UFC1: variants seen among roughly 807,000 people sequenced by gnomAD.
The protein encoded by UFC1 is ubiquitin-fold modifier conjugating enzyme 1, also known as ubiquitin-fold modifier-conjugating enzyme 1.
A neutral mutation model predicts 28.0 loss-of-function variants in UFC1; 22 were observed. The ratio of observed to expected loss-of-function variants is 0.78; its 90% CI spans 0.56 to 1.12. The LOEUF (loss-of-function observed/expected upper bound fraction) is 1.12. UFC1 is among the 50% of genes most tolerant of loss of function. The pLI, the probability that UFC1 is intolerant of heterozygous loss-of-function variation, is 0.00. For missense variants in UFC1, 189 were observed against 207.8 expected, an observed-to-expected ratio of 0.91 and a Z score of 0.56; for synonymous variants, 61 against 74.5, an observed-to-expected ratio of 0.82 and a Z score of 0.93.
Position 161,158,575 on chromosome 1 carries a change from A to T in UFC1, c.*83A>T, listed in dbSNP as rs1657627302. 6.8e-7 allele frequency: 1 copy of T among 1,461,830 alleles called. No individual in the cohort carries two copies. The highest frequency in any genetic ancestry group is 1.4e-5 in the African/African-American group (1 of 71,806). 90.6% of individuals were successfully genotyped at this position (1,461,830 alleles called of 1,614,324 possible). ...CCTGTGCATCACACTTAACTCATCTAACTGCTTCCCCGGACACCCTCCACC... is the reference window on the plus strand; with the variant it reads ...CCTGTGCATCACACTTAACTCATCTTACTGCTTCCCCGGACACCCTCCACC... On this transcript the variant is annotated 3_prime_UTR_variant, in exon 6 of 6. Transcript: ENST00000368003.
intron 3 of UFC1, 59 bp from the exon 4 acceptor site, chr1:161,157,558 A>G: frequency 2.0e-6 from 3 of 1,513,452 alleles, no homozygotes; most frequent in Non-Finnish European, 2.7e-6. Flanking sequence ...TGTATGTCTG[A>G]TTATATTAGT....
rs1465194052 is a variant in UFC1 at position 161,154,060 on chromosome 1, A to C, written c.63A>C (p.Gly21=). 1 of 1,613,474 alleles carries C rather than the reference A, an allele frequency of 6.2e-7. No homozygotes were observed. Among genetic ancestry groups the C allele is most frequent in the East Asian group, 2.2e-5 (1 of 44,880 alleles). ...SEIPVLKTNA[G]PRDRELWVQR... ...TCCCGGTGCTGAAGACTAACGCCGG[A>C]CCCCGAGATCGTGAGTTGTGGGTGC... The change falls in exon 1 of 6, where the codon GGA becomes GGC. Residue 21 remains glycine (G), a synonymous_variant. Transcript: ENST00000368003.
chr1:161,155,145 G>A (rs183377647), intron 1 of UFC1, among the ~76,000 whole-genome samples: 2 of 152,322 alleles, frequency 1.3e-5, no homozygotes, highest in East Asian at 3.9e-4. Context: ...CAGATATAAA[G>A]CGAGAAATGG....
intron 4 of UFC1, 36 bp from the exon 5 acceptor site, chr1:161,158,083 CTT>C (rs753685384): frequency 4.4e-5 from 69 of 1,573,658 alleles, no homozygotes; most frequent in Non-Finnish European, 5.8e-5. Flanking sequence ...TTATGGTAAA[CTT>C]TGCATGTCAA....
intron 1 of UFC1, 80 bp from the exon 2 acceptor site, chr1:161,156,870 C>A: frequency 8.2e-7 from 1 of 1,223,024 alleles, no homozygotes; most frequent in Admixed American, 2.1e-5. Context: ...AAAAAAATAA[C>A]CACATACTTT....
chr1:161,158,031 A>G lies in UFC1; in HGVS notation c.333-90A>G, dbSNP rs1421794019. 3.5e-6 allele frequency: 4 copies of G among 1,151,726 alleles called. No homozygotes were observed. The African/African-American group carries it at 6.1e-5, about 18-fold the overall frequency. 71.3% of individuals were successfully genotyped at this position (1,151,726 alleles called of 1,614,324 possible). ...TTAGCTGAACTTGTTCTCAATTCTG[A>G]TCACTAGTAGTCTTCCTATGCCCCC... is the stretch of plus-strand genomic sequence containing the variant. On this transcript the variant is annotated intron_variant, in intron 4 of 5. Transcript: ENST00000368003.
intron 1 of UFC1, among the ~76,000 whole-genome samples, chr1:161,155,005 A>C (rs1468062670): frequency 6.6e-6 from 1 of 152,222 alleles, no homozygotes; most frequent in Non-Finnish European, 1.5e-5. Flanking sequence ...CACTAAAAAA[A>C]AAAAATTACT....
In UFC1 at chr1:161,158,459, C is replaced by G. The variant is rs369785657; in HGVS notation, c.471C>G (p.Gly157=). ...AVEIPDLIQK[G]VIQHKEKCNQ ...AAATCCCTGATCTGATTCAGAAGGG[C>G]GTCATCCAACACAAAGAGAAATGCA... The change falls in exon 6 of 6, where the codon GGC becomes GGG. Residue 157 remains glycine, a synonymous_variant. Coordinates refer to ENST00000368003, the MANE Select transcript of UFC1 (RefSeq NM_016406.4). 1 of 1,614,064 alleles carries G rather than the reference C, an allele frequency of 6.2e-7. No homozygotes were observed. The highest frequency in any genetic ancestry group is 8.5e-7 in the Non-Finnish European group (1 of 1,180,048).
chr1:161,158,530 A>G lies in UFC1; in HGVS notation c.*38A>G. The G allele has an allele frequency of 6.2e-7, 1 of 1,602,992 alleles. No homozygotes were observed. Among genetic ancestry groups the G allele is most frequent in the African/African-American group, 1.3e-5 (1 of 74,810 alleles). ...CTGAGGCAGGGCAGAGGGACCTTTG[A>G]TAGGCTACGATACTATTTTCCTGTG... On this transcript the variant is annotated 3_prime_UTR_variant, in exon 6 of 6. Coordinates refer to ENST00000368003, the MANE Select transcript of UFC1 (RefSeq NM_016406.4).
At position 161,156,977 on chromosome 1, in the gene UFC1, A is replaced by T. The variant is rs372460141; in HGVS notation, c.151A>T (p.Asn51Tyr). The T allele has an allele frequency of 3.8e-5, 61 of 1,614,134 alleles. No individual in the cohort carries two copies. Among genetic ancestry groups the T allele is most frequent in the Non-Finnish European group, 4.8e-5 (57 of 1,180,042 alleles). Residue 51 changes from asparagine to tyrosine, a missense_variant, in exon 2 of 6, where the codon AAC becomes TAC. Coordinates refer to ENST00000368003, the MANE Select transcript of UFC1 (RefSeq NM_016406.4). ...RYVENNKNAD[N>Y]DWFRLESNKE... is the part of the protein sequence containing the mutation. ...TGTGGAGAACAACAAGAATGCTGAC[A>T]ACGATTGGTTCCGACTGGAGTCCAA...
In UFC1 at chr1:161,156,976, C is replaced by A; in HGVS notation, c.150C>A (p.Asp50Glu). The change falls in exon 2 of 6, where the codon GAC becomes GAA. Residue 50 changes from aspartate (D) to glutamate (E), a missense_variant. Transcript: ENST00000368003. ...ATGTGGAGAACAACAAGAATGCTGA[C>A]AACGATTGGTTCCGACTGGAGTCCA... is the stretch of plus-strand genomic sequence containing the variant. ...IRYVENNKNA[D>E]NDWFRLESNK... 1 of 1,614,230 alleles carries A rather than the reference C, an allele frequency of 6.2e-7. No homozygotes were observed. The highest frequency in any genetic ancestry group is 8.5e-7 in the Non-Finnish European group (1 of 1,180,032).
chr1:161,157,905 GAA>G (rs144506905), intron 4 of UFC1: 1,150 of 524,990 alleles, frequency 2.2e-3, no homozygotes, highest in Middle Eastern at 4.7e-3. Context: ...AAGATGTAAG[GAA>G]AAAAAAAAAA....
At chr1:161,154,583 C>CA (rs1657456215) in intron 1 of UFC1, among the ~76,000 whole-genome samples, 1 of 152,158 alleles carries the variant, frequency 6.6e-6, no homozygotes, top group Non-Finnish European at 1.5e-5. Flanking sequence ...CTCCCGGGTT[C>CA]AAGCGAGTCT....
intron 5 of UFC1, 86 bp from the exon 6 acceptor site, chr1:161,158,326 C>A: frequency 6.3e-7 from 1 of 1,584,780 alleles, no homozygotes; most frequent in Admixed American, 1.7e-5. Context: ...GCATGTTCCC[C>A]CAGAATCTGT....
rs116629766 is a variant in UFC1 at position 161,154,267 on chromosome 1, G to T, written c.123+147G>T. On this transcript the variant is annotated intron_variant, in intron 1 of 5. Transcript: ENST00000368003. ...AAATGGGACTATTGTGGGGCTCGGG[G>T]ACTAAGGAGGGATGGTGGGGAGAGG... 7.3e-3 allele frequency: 9,861 copies of T among 1,345,138 alleles called. 71 individuals are homozygous for T. The highest frequency in any genetic ancestry group is 8.1e-3 in the Non-Finnish European group (7,966 of 986,198). The allele number at this position is 1,345,138 out of a possible 1,614,324, so 83.3% of individuals were successfully genotyped here. A position where few individuals can be genotyped will look rare whatever the true frequency, so the allele number is the denominator to read the frequency against.
chr1:161,156,949 G>T lies in UFC1; in HGVS notation c.124-1G>T. On this transcript the variant is annotated splice_acceptor_variant, in intron 1 of 5. Transcript: ENST00000368003. LOFTEE classifies it high-confidence loss of function. ...TCAAAGACCTCATTCTCTGCTTTCA[G>T]TATGTGGAGAACAACAAGAATGCTG... is the stretch of plus-strand genomic sequence containing the variant. 1 of 1,614,160 alleles carries T rather than the reference G, an allele frequency of 6.2e-7. No homozygotes were observed. The highest frequency in any genetic ancestry group is 8.5e-7 in the Non-Finnish European group (1 of 1,179,986).
At chr1:161,155,494 A>G (rs1657482919) in intron 1 of UFC1, among the ~76,000 whole-genome samples, 1 of 152,220 alleles carries the variant, frequency 6.6e-6, no homozygotes, top group East Asian at 1.9e-4. Context: ...GTTAAAAGTT[A>G]TTAAGCTGAG....
At chr1:161,157,046 G>A (rs1557996235) in intron 2 of UFC1, 29 bp downstream of exon 2, 3 of 1,609,898 alleles carry the variant, frequency 1.9e-6, no homozygotes, top group South Asian at 2.2e-5. Context: ...GAGGTGTGGG[G>A]TGGGAGTCTT....
chr1:161,157,010 G>C lies in UFC1; in HGVS notation c.184G>C (p.Gly62Arg). 1.2e-6 allele frequency: 2 copies of C among 1,614,158 alleles called. No individual in the cohort carries two copies. Among genetic ancestry groups the C allele is most frequent in the Non-Finnish European group, 1.7e-6 (2 of 1,179,988 alleles). The part of the protein sequence containing the change: ...DWFRLESNKE[G>R]TRWFGKCWYI... The stretch of plus-strand genomic sequence containing the variant: ...GTTCCGACTGGAGTCCAACAAGGAA[G>C]GAACTCGGTAGGTAGACCCTCTTGG... Residue 62 changes from glycine to arginine, a missense_variant, in exon 2 of 6, where the codon GGA becomes CGA. Transcript: ENST00000368003.
Sources: allele counts gnomAD v4.1 joint callset (sites outside exome capture counted in the v4.1 genomes callset), GRCh38; gene constraint gnomAD v4.1.1; transcripts MANE v1.5; gene names NCBI Gene and HGNC (gene_info 2026-07-23, HGNC 2026-07-21).